The following SLC35G2 variants were observed in gnomAD, a reference collection of about 807,000 sequenced individuals.
The protein encoded by SLC35G2 is solute carrier family 35 member G2.
A neutral mutation model predicts 27.2 loss-of-function variants in SLC35G2; 20 were observed. The observed-to-expected ratio is 0.74, with a 90% CI of 0.52 to 1.07. The LOEUF is 1.07. Ranked by LOEUF, SLC35G2 falls within the 50% of genes least tolerant of loss-of-function variation. The pLI is 0.00. For synonymous variants in SLC35G2, 148 were observed against 165.3 expected, an observed-to-expected ratio of 0.90 and a Z score of 0.80; for missense variants, 416 against 493.3, an observed-to-expected ratio of 0.84 and a Z score of 1.48.
At chr3:136,832,393 C>G (rs1301072231) in intron 1 of SLC35G2, among the ~76,000 whole-genome samples, 5 of 152,130 alleles carry the variant, frequency 3.3e-5, no homozygotes, top group Non-Finnish European at 7.4e-5. Context: ...TTATGCTATC[C>G]CAAAACAAAT....
At chr3:136,827,213 G>GTT (rs112082850) in intron 1 of SLC35G2, among the ~76,000 whole-genome samples, 2 of 143,616 alleles carry the variant, frequency 1.4e-5, no homozygotes, top group Non-Finnish European at 1.5e-5. Flanking sequence ...CTTCTACTAA[G>GTT]TTTTTTTTTT....
intron 1 of SLC35G2, among the ~76,000 whole-genome samples, chr3:136,844,814 A>AG (rs1479051586): frequency 6.6e-6 from 1 of 151,052 alleles, no homozygotes; most frequent in African/African-American, 2.4e-5. Flanking sequence ...AAAAAAAAAA[A>AG]AAAAAAAAGA....
rs1560022173 is a variant in SLC35G2, at chr3:136,854,702, A to C, written c.242A>C (p.Asp81Ala). The change falls in exon 2 of 2, where the codon GAC becomes GCC. Residue 81 changes from aspartate to alanine, a missense_variant. Physicochemically the swap from Asp to Ala is moderately radical, Grantham distance 126. Transcript: ENST00000446465. ...GATACCCTACCTCCACCAACAGAAG[A>C]CCCAATGATCAATGAGATTGGACAA... ...TMDTLPPPTE[D>A]PMINEIGQFQ... 6.2e-7 allele frequency: 1 copy of C among 1,614,134 alleles called. No homozygotes were observed. The highest frequency in any genetic ancestry group is 8.5e-7 in the Non-Finnish European group (1 of 1,180,020).
intron 1 of SLC35G2, chr3:136,838,246 CATAT>C (rs6148084): frequency 7.6e-4 from 107 of 141,032 alleles, no homozygotes; most frequent in African/African-American, 2.5e-3. Context: ...GTAGCATATA[CATAT>C]ATATATATAT....
intron 1 of SLC35G2, among the ~76,000 whole-genome samples, chr3:136,853,882 G>A (rs1199213044): frequency 6.6e-6 from 1 of 152,088 alleles, no homozygotes; most frequent in East Asian, 1.9e-4. Context: ...ATGCATGAGT[G>A]TTACTAAATT....
intron 1 of SLC35G2, among the ~76,000 whole-genome samples, chr3:136,848,908 G>A (rs796151018): frequency 1.4e-4 from 21 of 152,186 alleles, no homozygotes; most frequent in African/African-American, 3.9e-4. Context: ...GTAACGAACC[G>A]GGCACGGTGG....
In SLC35G2 at chr3:136,849,216, G is replaced by A. The variant is rs149197943; in HGVS notation, c.-18-5227G>A. ...AGATTATATATACACACACACACAC[G>A]TAACGAATCTGCACATGTACTCCCT... is the stretch of plus-strand genomic sequence containing the variant. On this transcript the variant is annotated intron_variant, in intron 1 of 1. Transcript: ENST00000446465. 4.2e-3 allele frequency among the ~76,000 whole-genome samples: 634 copies of A among 150,882 alleles called. 3 individuals carry two copies. The highest frequency in any genetic ancestry group is 7.2e-3 in the Non-Finnish European group (487 of 67,786).
At chr3:136,849,367 GTATAAT>G (rs1937536022) in intron 1 of SLC35G2, among the ~76,000 whole-genome samples, 1 of 151,226 alleles carries the variant, frequency 6.6e-6, no homozygotes, top group Admixed American at 6.6e-5. Context: ...TAGGTAATAA[GTATAAT>G]TATCTTTTAT....
At chr3:136,841,021 T>C (rs550830776) in intron 1 of SLC35G2, among the ~76,000 whole-genome samples, 2 of 149,344 alleles carry the variant, frequency 1.3e-5, no homozygotes, top group East Asian at 4.0e-4. Context: ...TAAGGGACGG[T>C]TTCGCCATTT....
intron 1 of SLC35G2, 97 bp downstream of exon 1, chr3:136,819,725 A>G (rs1387871158): frequency 6.6e-6 from 1 of 152,210 alleles, no homozygotes; most frequent in Admixed American, 6.5e-5. Context: ...TGTATTTTCC[A>G]TTACTCTCTT....
chr3:136,847,212 A>C (rs1937424500), intron 1 of SLC35G2, among the ~76,000 whole-genome samples: 1 of 151,874 alleles, frequency 6.6e-6, no homozygotes, highest in African/African-American at 2.4e-5. Context: ...TAAATAAATA[A>C]AATTTCCTAG....
rs56777381 is a variant in SLC35G2 at position 136,847,581 on chromosome 3, C to T, written c.-18-6862C>T. Among the ~76,000 whole-genome samples the T allele has an allele frequency of 7.5e-3, 1,131 of 150,770 alleles. 19 individuals are homozygous for T. The highest frequency in any genetic ancestry group is 0.026 in the African/African-American group (1,076 of 41,042). ...CTGGGCAACAAGAGTGAAACTCCATCTCAAAAAGAAAAAAAAAATTGGCTT... is the reference window on the plus strand; with the variant it reads ...CTGGGCAACAAGAGTGAAACTCCATTTCAAAAAGAAAAAAAAAATTGGCTT... On this transcript the variant is annotated intron_variant, in intron 1 of 1. Transcript: ENST00000446465.
At chr3:136,847,345 G>A (rs571065462) in intron 1 of SLC35G2, among the ~76,000 whole-genome samples, 11 of 152,072 alleles carry the variant, frequency 7.2e-5, no homozygotes, top group Non-Finnish European at 1.3e-4. Context: ...CCCACATAAG[G>A]GATTTGTGTA....
chr3:136,836,888 C>T (rs1248068691), intron 1 of SLC35G2, among the ~76,000 whole-genome samples: 1 of 152,152 alleles, frequency 6.6e-6, no homozygotes, highest in Non-Finnish European at 1.5e-5. Flanking sequence ...ATTCTAGGAG[C>T]TGGATGATGG....
chr3:136,844,797 C>CAAAAAAAAAAAAAAAAAAA (rs58243269), intron 1 of SLC35G2, among the ~76,000 whole-genome samples: 1 of 35,760 alleles, frequency 2.8e-5, no homozygotes, highest in South Asian at 1.2e-3. Context: ...CTCTCTGTCT[C>CAAAAAAAAAAAAAAAAAAA]AAAAAAAAAA....
Position 136,855,858 on chromosome 3 carries a change from A to G in SLC35G2, c.*159A>G. On this transcript the variant is annotated 3_prime_UTR_variant, in exon 2 of 2. Coordinates refer to ENST00000446465, the MANE Select transcript of SLC35G2 (RefSeq NM_025246.3). ...AATTTATTCTAGTCTAATATATTCA[A>G]ATACAAATATTAAATATATGAAATA... The G allele has an allele frequency of 1.8e-6, 1 of 554,538 alleles. No homozygotes were observed. The highest frequency in any genetic ancestry group is 3.2e-6 in the Non-Finnish European group (1 of 313,782). 34.4% of individuals were successfully genotyped at this position (554,538 alleles called of 1,614,324 possible).
At chr3:136,845,895 TAAA>T (rs75968132) in intron 1 of SLC35G2, among the ~76,000 whole-genome samples, 16 of 137,088 alleles carry the variant, frequency 1.2e-4, no homozygotes, top group Admixed American at 1.5e-4. Flanking sequence ...CACCCGGCCG[TAAA>T]AAAAAAAAAA....
At chr3:136,850,241 T>C (rs1937581464) in intron 1 of SLC35G2, among the ~76,000 whole-genome samples, 1 of 152,258 alleles carries the variant, frequency 6.6e-6, no homozygotes. Flanking sequence ...TCATGACCAG[T>C]TGCCATACAC....
At chr3:136,838,256 T>C (rs1350055217) in intron 1 of SLC35G2, 45 of 4,978 alleles carry the variant, frequency 9.0e-3, no homozygotes, top group African/African-American at 0.021. Context: ...CATATATATA[T>C]ATATATATAT....
Sources: allele counts gnomAD v4.1 joint callset (sites outside exome capture counted in the v4.1 genomes callset), GRCh38; gene constraint gnomAD v4.1.1; transcripts MANE v1.5; gene names NCBI Gene and HGNC (gene_info 2026-07-23, HGNC 2026-07-21).